The following LRRIQ3 variants were observed in gnomAD, a reference collection of about 807,000 sequenced individuals.
LRRIQ3 encodes leucine-rich repeat and IQ domain-containing protein 3.
In LRRIQ3, 75 loss-of-function variants were observed where a neutral mutation model predicts 59.3. The ratio of observed to expected loss-of-function variants is 1.26; its 90% CI spans 1.05 to 1.53. LRRIQ3 has a LOEUF of 1.53. Among genes scored for constraint, LRRIQ3 ranks in the 40% most tolerant of loss-of-function variants. The pLI is 0.00. For missense variants in LRRIQ3, 831 were observed against 710.0 expected (o/e 1.17, Z -1.94); for synonymous variants, 250 against 231.3 (o/e 1.08, Z -0.73).
chr1:74,033,091 A>AT (rs1176940852), intron 7 of LRRIQ3, among the ~76,000 whole-genome samples: 2 of 152,160 alleles, frequency 1.3e-5, no homozygotes, highest in East Asian at 1.9e-4. Context: ...ACTGTTGAAG[A>AT]TTTTAAATGG....
In LRRIQ3 at chr1:74,069,542, AT is replaced by A. The variant is rs551063591; in HGVS notation, c.997+5118del. Among the ~76,000 whole-genome samples the A allele has an allele frequency of 1.8e-4, 27 of 152,164 alleles. No homozygotes were observed. The South Asian group carries it at 5.6e-3, about 32-fold the overall frequency. On this transcript the variant is annotated intron_variant, in intron 6 of 7. Transcript: ENST00000354431. ...GAAGCTAGGAGAAATAATAGCTTTAATTTAAGTTAAAGAAGATAAAAGCACC... is the reference window on the plus strand; with the variant it reads ...GAAGCTAGGAGAAATAATAGCTTTAATTAAGTTAAAGAAGATAAAAGCACC...
intron 4 of LRRIQ3, among the ~76,000 whole-genome samples, chr1:74,130,960 A>G (rs760644678): frequency 7.9e-5 from 12 of 152,096 alleles, no homozygotes; most frequent in Non-Finnish European, 4.4e-5. Flanking sequence ...TTTTGAAAAG[A>G]TCAACAAAAT....
At chr1:74,185,538 A>T (rs1381152010) in intron 1 of LRRIQ3, among the ~76,000 whole-genome samples, 1 of 152,130 alleles carries the variant, frequency 6.6e-6, no homozygotes, top group Non-Finnish European at 1.5e-5. Context: ...ATTACTTCAG[A>T]TACCAATCCT....
chr1:74,120,497 G>C (rs1369633540), intron 4 of LRRIQ3, among the ~76,000 whole-genome samples: 1 of 151,928 alleles, frequency 6.6e-6, no homozygotes, highest in African/African-American at 2.4e-5. Flanking sequence ...TTGGAATTTT[G>C]TTAGTATGAA....
At chr1:74,058,550 G>T (rs111679440) in intron 6 of LRRIQ3, among the ~76,000 whole-genome samples, 38 of 152,040 alleles carry the variant, frequency 2.5e-4, no homozygotes, top group Non-Finnish European at 5.0e-4. Flanking sequence ...TAAAACAGTG[G>T]TTTCCAGAGG....
At chr1:74,039,110 T>C (rs1364864153) in intron 7 of LRRIQ3, among the ~76,000 whole-genome samples, 1 of 152,118 alleles carries the variant, frequency 6.6e-6, no homozygotes, top group African/African-American at 2.4e-5. Context: ...CTAACTAGAA[T>C]AACCAGTTTA....
At chr1:74,123,399 A>T (rs1345866878) in intron 4 of LRRIQ3, among the ~76,000 whole-genome samples, 1 of 151,976 alleles carries the variant, frequency 6.6e-6, no homozygotes, top group Non-Finnish European at 1.5e-5. Context: ...GATCTTATTC[A>T]TTACATCTAA....
chr1:74,066,187 GAAA>G (rs71772871), intron 6 of LRRIQ3, among the ~76,000 whole-genome samples: 11 of 119,882 alleles, frequency 9.2e-5, no homozygotes, highest in Non-Finnish European at 1.4e-4. Flanking sequence ...ACTCTGTCTC[GAAA>G]AAAAAAAAAA....
At chr1:74,184,985 C>A (rs1040743116) in intron 1 of LRRIQ3, among the ~76,000 whole-genome samples, 1 of 152,106 alleles carries the variant, frequency 6.6e-6, no homozygotes, top group Non-Finnish European at 1.5e-5. Context: ...AAAAATAACT[C>A]ATTTTTTAAA....
At position 74,074,690 on chromosome 1, in the gene LRRIQ3, G is replaced by T. The variant is rs1646182683; in HGVS notation, c.968C>A (p.Ser323Ter). 4 of 1,412,244 alleles carry T rather than the reference G, an allele frequency of 2.8e-6. No homozygotes were observed. In the South Asian group the frequency reaches 4.8e-5, roughly 17 times the overall value. The allele number at this position is 1,412,244 out of a possible 1,614,324, so 87.5% of individuals were successfully genotyped here. A position where few individuals can be genotyped will look rare whatever the true frequency, so the allele number is the denominator to read the frequency against. Reference protein sequence around the residue: ...ELKPKDLGMKSKTSRHLIQKG... With the variant: ...ELKPKDLGMK Reference sequence around the variant, plus strand: ...TTGAATGAGATGTCTTGATGTTTTTGATTTCATGCCTAGATCTTTTGGTTT... The same window carrying T: ...TTGAATGAGATGTCTTGATGTTTTTTATTTCATGCCTAGATCTTTTGGTTT... The change falls in exon 6 of 8, where the codon TCA becomes TAA. Residue 323 changes from serine (S) to a stop codon, truncating the protein, a stop_gained. Coordinates refer to ENST00000354431, the MANE Select transcript of LRRIQ3 (RefSeq NM_001105659.2). LOFTEE classifies it high-confidence loss of function.
At chr1:74,147,470 G>T (rs1570208640) in intron 4 of LRRIQ3, among the ~76,000 whole-genome samples, 2 of 152,156 alleles carry the variant, frequency 1.3e-5, no homozygotes, top group East Asian at 3.9e-4. Flanking sequence ...GATAACATAG[G>T]TTGCTACCCT....
chr1:74,088,948 A>G (rs1646363770), intron 5 of LRRIQ3, among the ~76,000 whole-genome samples: 1 of 152,106 alleles, frequency 6.6e-6, no homozygotes, highest in African/African-American at 2.4e-5. Context: ...GAATATGTAA[A>G]GAATTCTCAC....
chr1:74,192,024 T>A (rs184095961), intron 1 of LRRIQ3, among the ~76,000 whole-genome samples: 3 of 152,056 alleles, frequency 2.0e-5, no homozygotes, highest in African/African-American at 7.2e-5. Context: ...TCCATAAAGA[T>A]CTATAGTCTC....
intron 5 of LRRIQ3, among the ~76,000 whole-genome samples, chr1:74,084,626 G>T (rs1235238754): frequency 6.6e-6 from 1 of 151,612 alleles, no homozygotes; most frequent in Non-Finnish European, 1.5e-5. Flanking sequence ...TGTCTCTCTA[G>T]TAGTATTATC....
At chr1:74,028,439 A>C (rs1316963120) in intron 7 of LRRIQ3, among the ~76,000 whole-genome samples, 1 of 152,106 alleles carries the variant, frequency 6.6e-6, no homozygotes, top group Non-Finnish European at 1.5e-5. Flanking sequence ...GTGAATGCCT[A>C]ATATTAAATA....
chr1:74,032,498 A>G (rs1436731550), intron 7 of LRRIQ3, among the ~76,000 whole-genome samples: 1 of 152,010 alleles, frequency 6.6e-6, no homozygotes, highest in East Asian at 1.9e-4. Context: ...GGTTGTTGTC[A>G]GAATTAATTT....
chr1:74,112,455 G>A, intron 4 of LRRIQ3, among the ~76,000 whole-genome samples: 1 of 152,074 alleles, frequency 6.6e-6, no homozygotes, highest in East Asian at 1.9e-4. Flanking sequence ...GAAGAATATC[G>A]GGATTAGAGC....
intron 7 of LRRIQ3, among the ~76,000 whole-genome samples, chr1:74,035,958 C>A (rs1403717375): frequency 1.3e-5 from 2 of 152,144 alleles, no homozygotes; most frequent in Non-Finnish European, 2.9e-5. Context: ...TTGTACTTCT[C>A]CTACTACTAT....
At chr1:74,105,238 G>GGT (rs34023288) in intron 5 of LRRIQ3, among the ~76,000 whole-genome samples, 1,604 of 148,516 alleles carry the variant, frequency 0.011, 35 homozygotes, top group African/African-American at 0.038. Flanking sequence ...ACATCTATGT[G>GGT]GTGTGTGTGT....
Sources: allele counts gnomAD v4.1 joint callset (sites outside exome capture counted in the v4.1 genomes callset), GRCh38; gene constraint gnomAD v4.1.1; transcripts MANE v1.5; gene names NCBI Gene and HGNC (gene_info 2026-07-23, HGNC 2026-07-21).